Variants in NCAM1 observed in about 807,000 individuals in gnomAD.
NCAM1 encodes the protein neural cell adhesion molecule 1, also known as antigen recognized by monoclonal antibody 5.1H11.
A neutral mutation model predicts 109.8 loss-of-function variants in NCAM1; 14 were observed. The ratio of observed to expected loss-of-function variants is 0.13; its 90% CI spans 0.08 to 0.20. The LOEUF is 0.20. Ranked by LOEUF, NCAM1 falls within the 10% of genes least tolerant of loss-of-function variation. NCAM1 has a pLI of 1.00. For missense variants in NCAM1, 774 were observed against 1,109.9 expected (o/e 0.70, Z 4.30); for synonymous variants, 418 against 442.9 (o/e 0.94, Z 0.70).
chr11:113,220,551 A>T (rs1219245560), intron 8 of NCAM1, among the ~76,000 whole-genome samples: 1 of 151,078 alleles, frequency 6.6e-6, no homozygotes, highest in African/African-American at 2.5e-5. Flanking sequence ...ATCTATGATA[A>T]GCTGCCTTAT....
intron 1 of NCAM1, among the ~76,000 whole-genome samples, chr11:113,017,215 T>C (rs2135192018): frequency 6.6e-6 from 1 of 152,266 alleles, no homozygotes; most frequent in Non-Finnish European, 1.5e-5. Flanking sequence ...CTCGAGAGGT[T>C]TGTTGTTTGG....
At chr11:113,012,698 G>C (rs2135140292) in intron 1 of NCAM1, among the ~76,000 whole-genome samples, 1 of 152,276 alleles carries the variant, frequency 6.6e-6, no homozygotes, top group East Asian at 1.9e-4. Context: ...TTCTTCTTGT[G>C]TGCCTGTGTC....
At chr11:113,119,181 C>T (rs1055935639) in intron 1 of NCAM1, among the ~76,000 whole-genome samples, 1 of 150,208 alleles carries the variant, frequency 6.7e-6, no homozygotes, top group East Asian at 1.9e-4. Flanking sequence ...AAACTCAGGC[C>T]ACTTAGAGGG....
At chr11:113,212,321 T>C (rs1288052274) in intron 7 of NCAM1, among the ~76,000 whole-genome samples, 9 of 152,208 alleles carry the variant, frequency 5.9e-5, no homozygotes, top group South Asian at 2.1e-4. Context: ...CTGTAGACTA[T>C]ACAAAATTAG....
At chr11:112,967,017 A>G (rs972796855) in intron 1 of NCAM1, among the ~76,000 whole-genome samples, 25 of 152,236 alleles carry the variant, frequency 1.6e-4, no homozygotes, top group Admixed American at 6.5e-4. Flanking sequence ...ATTTTCTTCC[A>G]TATATACGTA....
intron 17 of NCAM1, among the ~76,000 whole-genome samples, chr11:113,268,443 C>A (rs954072426): frequency 2.0e-5 from 3 of 152,102 alleles, no homozygotes; most frequent in African/African-American, 7.2e-5. Context: ...AGCCAGAGAG[C>A]CTGAGGAGGA....
intron 1 of NCAM1, among the ~76,000 whole-genome samples, chr11:113,021,919 A>G (rs2135247422): frequency 6.6e-6 from 1 of 152,326 alleles, no homozygotes; most frequent in Non-Finnish European, 1.5e-5. Flanking sequence ...GTTTCTGTGC[A>G]ATAGGGAGAA....
At chr11:113,142,113 T>G (rs556234567) in intron 1 of NCAM1, among the ~76,000 whole-genome samples, 1 of 152,324 alleles carries the variant, frequency 6.6e-6, no homozygotes, top group South Asian at 2.1e-4. Context: ...TACCACTTAT[T>G]GGGTGCCTCC....
At chr11:113,262,328 T>A (rs1555123535) in intron 17 of NCAM1, among the ~76,000 whole-genome samples, 1 of 152,232 alleles carries the variant, frequency 6.6e-6, no homozygotes, top group African/African-American at 2.4e-5. Flanking sequence ...AGCGATCCAA[T>A]GCATCTCCAC....
intron 1 of NCAM1, among the ~76,000 whole-genome samples, chr11:113,030,342 A>G (rs1207493084): frequency 2.6e-5 from 4 of 152,100 alleles, no homozygotes; most frequent in Non-Finnish European, 4.4e-5. Context: ...GTAATTCCAG[A>G]CTTGTATTGG....
Position 113,109,640 on chromosome 11 carries a change from T to C in NCAM1, c.53-92739T>C, listed in dbSNP as rs1221487331. ...TGTGCTTTCAAGGAACTGTTTGTTT[T>C]GTTGTTCAGAGAAGATGTATATAAA... is the stretch of plus-strand genomic sequence containing the variant. On this transcript the variant is annotated intron_variant, in intron 1 of 19. Coordinates refer to ENST00000316851, the MANE Select transcript of NCAM1 (RefSeq NM_181351.5). Among the ~76,000 whole-genome samples, 5 of 152,228 alleles carry C rather than the reference T, an allele frequency of 3.3e-5. No homozygotes were observed. In the South Asian group the frequency reaches 1.0e-3, roughly 32 times the overall value.
chr11:113,139,042 A>G (rs982546254), intron 1 of NCAM1, among the ~76,000 whole-genome samples: 6 of 152,222 alleles, frequency 3.9e-5, no homozygotes, highest in Non-Finnish European at 2.9e-5. Context: ...TATCCTAGTA[A>G]TATTTAGCTT....
intron 18 of NCAM1, 110 bp downstream of exon 18, chr11:113,270,505 G>A (rs781804578): frequency 5.0e-5 from 52 of 1,037,922 alleles, no homozygotes; most frequent in Non-Finnish European, 6.4e-5. Context: ...TTCATTGCAC[G>A]TTCTCCATTT....
At chr11:113,173,685 C>G (rs1401396571) in intron 1 of NCAM1, among the ~76,000 whole-genome samples, 1 of 146,042 alleles carries the variant, frequency 6.8e-6, no homozygotes, top group Non-Finnish European at 1.5e-5. Flanking sequence ...TCAGAAAATC[C>G]CTGTCCAGGT....
chr11:113,033,476 C>G (rs139145869), intron 1 of NCAM1, among the ~76,000 whole-genome samples: 196 of 152,234 alleles, frequency 1.3e-3, no homozygotes, highest in African/African-American at 4.6e-3. Context: ...AAGTTTCTTA[C>G]TTTTACTTTT....
intron 8 of NCAM1, among the ~76,000 whole-genome samples, chr11:113,218,659 T>C (rs933717242): frequency 7.9e-5 from 12 of 152,238 alleles, no homozygotes; most frequent in Non-Finnish European, 1.6e-4. Context: ...AGTTACTCAT[T>C]TGAGAATGAC....
chr11:112,998,084 T>G (rs891863288), intron 1 of NCAM1, among the ~76,000 whole-genome samples: 9 of 152,134 alleles, frequency 5.9e-5, no homozygotes, highest in African/African-American at 2.2e-4. Context: ...AATGCTAGGG[T>G]TGAAAAGGAC....
chr11:113,029,668 T>G (rs1451019156), intron 1 of NCAM1, among the ~76,000 whole-genome samples: 1 of 152,190 alleles, frequency 6.6e-6, no homozygotes, highest in African/African-American at 2.4e-5. Flanking sequence ...TGGATGTCAC[T>G]TTAGAAGAAA....
chr11:113,091,256 T>C (rs1555089325), intron 1 of NCAM1, among the ~76,000 whole-genome samples: 8 of 151,898 alleles, frequency 5.3e-5, no homozygotes. Flanking sequence ...TACCCTAAAA[T>C]ATTTTTATCA....
Sources: gnomAD v4.1 joint callset for allele counts (sites outside exome capture counted in the v4.1 genomes callset) on GRCh38, gnomAD v4.1.1 for gene constraint, MANE v1.5 for transcripts, NCBI Gene and HGNC (gene_info 2026-07-23, HGNC 2026-07-21) for gene names.